Variants in ANKHD1 observed in about 807,000 individuals in gnomAD.
The protein encoded by ANKHD1 is ankyrin repeat and KH domain containing 1, also known as ankyrin repeat and KH domain-containing protein 1.
A neutral mutation model predicts 230.5 loss-of-function variants in ANKHD1; 31 were observed. That is an observed-to-expected ratio of 0.13 (90% CI 0.10 to 0.18). The LOEUF is 0.18. Among genes scored for constraint, ANKHD1 ranks in the 10% least tolerant of loss-of-function variants. The pLI is 1.00. For missense variants in ANKHD1, 2,256 were observed against 3,071.3 expected (o/e 0.73, Z 6.27); for synonymous variants, 1,074 against 1,117.6 (o/e 0.96, Z 0.78).
At chr5:140,424,725 A>G (rs982243871) in intron 1 of ANKHD1, among the ~76,000 whole-genome samples, 4 of 152,308 alleles carry the variant, frequency 2.6e-5, no homozygotes, top group African/African-American at 9.6e-5. Context: ...TTAAATTCCA[A>G]AGTTATTTTC....
chr5:140,414,674 T>TA (rs200468515), intron 1 of ANKHD1, among the ~76,000 whole-genome samples: 183 of 150,716 alleles, frequency 1.2e-3, no homozygotes, highest in African/African-American at 4.1e-3. Flanking sequence ...CTACAAAAAG[T>TA]AAAAAAAAAT....
Position 140,506,009 on chromosome 5 carries a change from TC to T in ANKHD1, c.3408+143del. 7.2e-7 allele frequency: 1 copy of T among 1,380,064 alleles called. No individual in the cohort carries two copies. The highest frequency in any genetic ancestry group is 9.6e-7 in the Non-Finnish European group (1 of 1,039,358). The allele number at this position is 1,380,064 out of a possible 1,614,324, so 85.5% of individuals were successfully genotyped here. A position where few individuals can be genotyped will look rare whatever the true frequency, so the allele number is the denominator to read the frequency against. On this transcript the variant is annotated intron_variant, in intron 18 of 33. Coordinates refer to ENST00000360839, the MANE Select transcript of ANKHD1 (RefSeq NM_017747.3). The surrounding 1 kb of genome is among the most constrained non-coding windows in gnomAD (Gnocchi z 4.7). ...TTCTGAGGCAGGGTCTTGCTCTGTC[TC>T]CCAGGCTAGAGTACAGTGGTGCAAT...
Position 140,485,235 on chromosome 5 carries a change from C to G in ANKHD1, c.1985C>G (p.Thr662Ser), listed in dbSNP as rs1581323878. 1 of 1,613,360 alleles carries G rather than the reference C, an allele frequency of 6.2e-7. No individual in the cohort carries two copies. The highest frequency in any genetic ancestry group is 1.3e-5 in the African/African-American group (1 of 74,952). Residue 662 changes from threonine to serine, a missense_variant, in exon 12 of 34, where the codon ACT becomes AGT. Physicochemically the swap from Thr to Ser is moderately conservative, Grantham distance 58. Transcript: ENST00000360839. This position sits in a 1 kb window ranked among gnomAD's most constrained non-coding sequence, Gnocchi z 4.8. ...ELLLAHGADP[T>S]HRLKDGSTML... ...CTCTTGGCTCATGGGGCTGACCCTA[C>G]TCATCGACTCAAGGTAGTCTACTTA...
chr5:140,498,842 A>G (rs1160141981), intron 15 of ANKHD1, among the ~76,000 whole-genome samples: 2 of 113,498 alleles, frequency 1.8e-5, no homozygotes, highest in African/African-American at 6.9e-5. Context: ...TGATTAGTTC[A>G]GTTATGTTAG....
rs138992574 is a variant in ANKHD1, at chr5:140,529,761, G to A, written c.6815G>A (p.Arg2272Lys). 6.2e-7 allele frequency: 1 copy of A among 1,613,946 alleles called. No homozygotes were observed. Among genetic ancestry groups the A allele is most frequent in the Non-Finnish European group, 8.5e-7 (1 of 1,180,034 alleles). Reference sequence around the variant, plus strand: ...GATAACTCAAAGGCACCTGGCTTCAGACCACCTTCCCAGCGAGTTTCTACT... The same window carrying A: ...GATAACTCAAAGGCACCTGGCTTCAAACCACCTTCCCAGCGAGTTTCTACT... The part of the protein sequence containing the change: ...HPDNSKAPGF[R>K]PPSQRVSTSP... Residue 2272 changes from arginine (R) to lysine (K), a missense_variant, in exon 29 of 34, where the codon AGA becomes AAA. Transcript: ENST00000360839.
chr5:140,483,890 C>G (rs569255152), intron 11 of ANKHD1, among the ~76,000 whole-genome samples: 2 of 152,292 alleles, frequency 1.3e-5, no homozygotes, highest in Admixed American at 1.3e-4. Flanking sequence ...CTGTTTACCT[C>G]AACCACACAG....
intron 1 of ANKHD1, among the ~76,000 whole-genome samples, chr5:140,414,549 C>T (rs897925979): frequency 7.2e-5 from 11 of 152,022 alleles, no homozygotes; most frequent in Admixed American, 2.6e-4. Flanking sequence ...ATTGTATTGC[C>T]GATTAGGCAC....
In ANKHD1 at chr5:140,425,185, GA is replaced by G. The variant is rs1180575952; in HGVS notation, c.307-10915del. Among the ~76,000 whole-genome samples, 12 of 152,298 alleles carry G rather than the reference GA, an allele frequency of 7.9e-5. 1 individual carries two copies. The South Asian group carries it at 2.5e-3, about 32-fold the overall frequency. The stretch of plus-strand genomic sequence containing the variant: ...TTCTTCAGCTTTAACTTAGATTTAG[GA>G]AAAGCATGATGGTTCTTTTTTGTGC... On this transcript the variant is annotated intron_variant, in intron 1 of 33. Coordinates refer to ENST00000360839, the MANE Select transcript of ANKHD1 (RefSeq NM_017747.3).
intron 24 of ANKHD1, among the ~76,000 whole-genome samples, chr5:140,522,014 G>A (rs1463527022): frequency 6.6e-6 from 1 of 152,082 alleles, no homozygotes; most frequent in African/African-American, 2.4e-5. Context: ...ATTCAGTGGT[G>A]TTTAGTATAT....
At chr5:140,425,320 G>T (rs1420604821) in intron 1 of ANKHD1, among the ~76,000 whole-genome samples, 2 of 152,108 alleles carry the variant, frequency 1.3e-5, no homozygotes, top group Admixed American at 1.3e-4. Context: ...GAGTGCAGTG[G>T]TGTGATCATG....
In ANKHD1 at chr5:140,490,048, A is replaced by T. The variant is rs574769550; in HGVS notation, c.2245+2988A>T. On this transcript the variant is annotated intron_variant, in intron 14 of 33. Coordinates refer to ENST00000360839, the MANE Select transcript of ANKHD1 (RefSeq NM_017747.3). ...AAGACTTAACTTTTTTTTTATACTT[A>T]AAGCTCCTTTTTCTTCTTAAAGCTT... is the stretch of plus-strand genomic sequence containing the variant. Among the ~76,000 whole-genome samples the T allele has an allele frequency of 4.6e-4, 70 of 152,280 alleles. 1 individual carries two copies. Among genetic ancestry groups the T allele is most frequent in the Middle Eastern group, 6.8e-3 (2 of 294 alleles).
chr5:140,483,715 C>G (rs201751377), intron 11 of ANKHD1, among the ~76,000 whole-genome samples: 56 of 152,118 alleles, frequency 3.7e-4, no homozygotes, highest in Non-Finnish European at 5.9e-5. Context: ...GCCTCGGCCT[C>G]CCAAAGTGCT....
chr5:140,500,928 T>C (rs907720476), intron 15 of ANKHD1, among the ~76,000 whole-genome samples: 1 of 152,072 alleles, frequency 6.6e-6, no homozygotes, highest in African/African-American at 2.4e-5. Flanking sequence ...TTACTATCAT[T>C]GCCATCTTAA....
At position 140,485,413 on chromosome 5, in the gene ANKHD1, C is replaced by CAA. The variant is rs1751462184; in HGVS notation, c.1998+166_1998+167insAA. 6.8e-6 allele frequency among the ~76,000 whole-genome samples: 1 copy of CAA among 147,294 alleles called. No homozygotes were observed. Among genetic ancestry groups the CAA allele is most frequent in the Non-Finnish European group, 1.5e-5 (1 of 65,844 alleles). On this transcript the variant is annotated intron_variant, in intron 12 of 33. Coordinates refer to ENST00000360839, the MANE Select transcript of ANKHD1 (RefSeq NM_017747.3). This position sits in a 1 kb window ranked among gnomAD's most constrained non-coding sequence, Gnocchi z 4.8. Reference sequence around the variant, plus strand: ...CTCTATTAAAACACACACACACACACACACACACACACACGTATGTATGTG... The same window carrying CAA: ...CTCTATTAAAACACACACACACACACAAACACACACACACACGTATGTATGTG...
intron 11 of ANKHD1, among the ~76,000 whole-genome samples, chr5:140,483,514 ATGGCGCCAACT>A (rs1335345885): frequency 6.9e-6 from 1 of 144,936 alleles, no homozygotes; most frequent in Non-Finnish European, 1.5e-5. Context: ...CTGGAGTGCA[ATGGCGCCAACT>A]TGGCTTACTG....
At position 140,524,196 on chromosome 5, in the gene ANKHD1, C is replaced by G. The variant is rs775180361; in HGVS notation, c.4448C>G (p.Ser1483Trp). 6.3e-7 allele frequency: 1 copy of G among 1,595,862 alleles called. No individual in the cohort carries two copies. Among genetic ancestry groups the G allele is most frequent in the Admixed American group, 1.8e-5 (1 of 55,362 alleles). Reference protein sequence around the residue: ...EDEENKPKENSELPEDEDEEE... With the variant: ...EDEENKPKENWELPEDEDEEE... ...GAAGAAAACAAACCTAAGGAGAATT[C>G]GGAACTACCAGAGGATGAAGATGAA... Residue 1483 changes from serine to tryptophan, a missense_variant, in exon 25 of 34, where the codon TCG (serine) becomes TGG (tryptophan). Ser to Trp is a radical substitution (Grantham distance 177). This residue lies in a region of ANKHD1 where 212 missense variants were observed against 257.3 expected (regional missense o/e 0.82). Coordinates refer to ENST00000360839, the MANE Select transcript of ANKHD1 (RefSeq NM_017747.3).
chr5:140,513,256 G>C, intron 23 of ANKHD1, 107 bp from the exon 24 acceptor site: 6 of 1,147,014 alleles, frequency 5.2e-6, no homozygotes, highest in Non-Finnish European at 7.3e-6. Flanking sequence ...TTGGTTTAGT[G>C]ACTTTTCAGT....
At chr5:140,419,468 T>C (rs1201793677) in intron 1 of ANKHD1, among the ~76,000 whole-genome samples, 1 of 148,016 alleles carries the variant, frequency 6.8e-6, no homozygotes, top group Non-Finnish European at 1.5e-5. Context: ...TTTTTTTTTT[T>C]TTTTTGTTTT....
chr5:140,475,670 G>A (rs1474670364), intron 10 of ANKHD1, among the ~76,000 whole-genome samples: 1 of 152,184 alleles, frequency 6.6e-6, no homozygotes, highest in Non-Finnish European at 1.5e-5. Context: ...TTGATTTAGG[G>A]AACAGAAGTG....
Sources: allele counts gnomAD v4.1 joint callset (sites outside exome capture counted in the v4.1 genomes callset), GRCh38; gene constraint gnomAD v4.1.1; regional missense constraint gnomAD v4.1.1; non-coding constraint Gnocchi (gnomAD v3.1); transcripts MANE v1.5; gene names NCBI Gene and HGNC (gene_info 2026-07-23, HGNC 2026-07-21).